The following NPFFR1 variants were observed in gnomAD, a reference collection of about 807,000 sequenced individuals.
NPFFR1 encodes neuropeptide FF receptor 1, also known as G-protein coupled receptor 147.
A neutral mutation model predicts 12.7 loss-of-function variants in NPFFR1; 17 were observed. That is an observed-to-expected ratio of 1.34 (90% confidence interval 0.92 to 2.01). The LOEUF is 2.01. NPFFR1 is among the 30% of genes most tolerant of loss of function. The pLI is 0.00. For missense variants in NPFFR1, 604 were observed against 606.5 expected, an observed-to-expected ratio of 1.00 and a Z score of 0.04; for synonymous variants, 296 against 264.5, an observed-to-expected ratio of 1.12 and a Z score of -1.16.
At chr10:70,283,552 C>T in intron 1 of NPFFR1, 118 bp downstream of exon 1, 1 of 1,013,306 alleles carries the variant, frequency 9.9e-7, no homozygotes. Context: ...AGTGTCACAA[C>T]GTCTGGCTCT....
chr10:70,261,060 T>C (rs1840628391), intron 2 of NPFFR1, among the ~76,000 whole-genome samples: 1 of 152,082 alleles, frequency 6.6e-6, no homozygotes, highest in Non-Finnish European at 1.5e-5. Context: ...GCCCTCTGTA[T>C]GTACATGGTG....
In NPFFR1 at chr10:70,255,407, C is replaced by T. The variant is rs769424464; in HGVS notation, c.843G>A (p.Leu281=). The change falls in exon 4 of 4, where the codon CTG becomes CTA. Residue 281 remains leucine (L), a synonymous_variant. Coordinates refer to ENST00000277942, the MANE Select transcript of NPFFR1 (RefSeq NM_022146.5). This position sits in a 1 kb window ranked among gnomAD's most constrained non-coding sequence, Gnocchi z 4.2. The stretch of plus-strand genomic sequence containing the variant: ...GCAGCGCCCAGAGCGGCAGCCAGGA[C>T]AGCGTGAAGAACAGCGCCACCATGA... ...MLVMVALFFT[L]SWLPLWALLL... 4.5e-6 allele frequency: 7 copies of T among 1,546,570 alleles called. No individual in the cohort carries two copies. The highest frequency in any genetic ancestry group is 6.1e-6 in the Non-Finnish European group (7 of 1,147,650).
At chr10:70,278,887 G>GT (rs1840831899) in intron 1 of NPFFR1, among the ~76,000 whole-genome samples, 1 of 152,174 alleles carries the variant, frequency 6.6e-6, no homozygotes, top group African/African-American at 2.4e-5. Context: ...TTACCAGCCA[G>GT]TTGTGTCTTA....
intron 2 of NPFFR1, among the ~76,000 whole-genome samples, chr10:70,262,250 G>A (rs2136796200): frequency 6.6e-6 from 1 of 152,138 alleles, no homozygotes; most frequent in Non-Finnish European, 1.5e-5. Flanking sequence ...GGTTGGGGAG[G>A]GGGGACCCAA....
In NPFFR1 at chr10:70,248,467, G is replaced by GTTTTTGTTTTTTT. The variant is rs1840473399; in HGVS notation, c.*6489_*6490insAAAAAAACAAAAA. 1.6e-4 allele frequency: 15 copies of GTTTTTGTTTTTTT among 96,742 alleles called. 1 individual carries two copies. The highest frequency in any genetic ancestry group is 2.0e-4 in the African/African-American group (5 of 24,706). The allele number at this position is 96,742 out of a possible 1,614,324, so 6.0% of individuals were successfully genotyped here. A position where few individuals can be genotyped will look rare whatever the true frequency, so the allele number is the denominator to read the frequency against. Reference sequence around the variant, plus strand: ...CAAAGTACGTAGTACTATGCCTGGCGTTTTTTTTTTGTTTTTTGTTTTTTT... The same window carrying GTTTTTGTTTTTTT: ...CAAAGTACGTAGTACTATGCCTGGCGTTTTTGTTTTTTTTTTTTTTTTTGTTTTTTGTTTTTTT... On this transcript the variant is annotated 3_prime_UTR_variant, in exon 4 of 4. Coordinates refer to ENST00000277942, the MANE Select transcript of NPFFR1 (RefSeq NM_022146.5).
intron 1 of NPFFR1, among the ~76,000 whole-genome samples, chr10:70,282,453 C>T (rs1840873504): frequency 6.6e-6 from 1 of 152,168 alleles, no homozygotes; most frequent in South Asian, 2.1e-4. Context: ...TTATTGATTC[C>T]TTCTTGCCTC....
At chr10:70,264,849 A>G (rs1201216511) in intron 2 of NPFFR1, among the ~76,000 whole-genome samples, 1 of 152,252 alleles carries the variant, frequency 6.6e-6, no homozygotes, top group Non-Finnish European at 1.5e-5. Flanking sequence ...TGTTTTATGT[A>G]TTCAAACAAT....
intron 2 of NPFFR1, among the ~76,000 whole-genome samples, chr10:70,261,222 C>A (rs79649099): frequency 0.011 from 1,637 of 152,140 alleles, 30 homozygotes; most frequent in African/African-American, 0.037. Context: ...GTTCTCATCA[C>A]GAGATCTGAT....
At chr10:70,260,602 A>G in intron 3 of NPFFR1, 38 bp downstream of exon 3, 1 of 1,540,876 alleles carries the variant, frequency 6.5e-7, no homozygotes. Context: ...GCCAGGCCCT[A>G]GTTGGCTCAG....
Position 70,248,489 on chromosome 10 carries a change from T to TTTTTTTTG in NPFFR1, c.*6467_*6468insCAAAAAAA, listed in dbSNP as rs1840477221. The TTTTTTTTG allele has an allele frequency of 8.8e-6, 1 of 113,852 alleles. No individual in the cohort carries two copies. The highest frequency in any genetic ancestry group is 1.8e-5 in the Non-Finnish European group (1 of 57,104). The allele number at this position is 113,852 out of a possible 1,614,324, so 7.1% of individuals were successfully genotyped here. A position where few individuals can be genotyped will look rare whatever the true frequency, so the allele number is the denominator to read the frequency against. ...GGCGTTTTTTTTTTGTTTTTTGTTT[T>TTTTTTTTG]TTTTTTTTTTTTTTGAGATGGAGTC... On this transcript the variant is annotated 3_prime_UTR_variant, in exon 4 of 4. Coordinates refer to ENST00000277942, the MANE Select transcript of NPFFR1 (RefSeq NM_022146.5).
Position 70,255,434 on chromosome 10 carries a change from C to T in NPFFR1, c.816G>A (p.Leu272=), listed in dbSNP as rs186499075. The stretch of plus-strand genomic sequence containing the variant: ...GCGTGAAGAACAGCGCCACCATGAC[C>T]AGCATGTGCACCACGCGCGCTCTGC... ...SRRRARVVHM[L]VMVALFFTLS... The change falls in exon 4 of 4, where the codon CTG becomes CTA. Residue 272 remains leucine, a synonymous_variant. Transcript: ENST00000277942. This position sits in a 1 kb window ranked among gnomAD's most constrained non-coding sequence, Gnocchi z 4.2. 2,348 of 1,547,580 alleles carry T rather than the reference C, an allele frequency of 1.5e-3. 58 individuals carry two copies. In the Admixed American group the frequency reaches 0.042, roughly 28 times the overall value.
At position 70,250,670 on chromosome 10, in the gene NPFFR1, A is replaced by G. The variant is rs1410009980; in HGVS notation, c.*4287T>C. ...GGCTGCAAACTGTCTGATTCCATCT[A>G]CATGACATTCTGAAATCAGATCATC... On this transcript the variant is annotated 3_prime_UTR_variant, in exon 4 of 4. Transcript: ENST00000277942. 6.6e-6 allele frequency: 1 copy of G among 152,252 alleles called. No homozygotes were observed. Among genetic ancestry groups the G allele is most frequent in the Non-Finnish European group, 1.5e-5 (1 of 68,040 alleles). The allele number at this position is 152,252 out of a possible 1,614,324, so 9.4% of individuals were successfully genotyped here.
chr10:70,281,926 A>T (rs557625764), intron 1 of NPFFR1, among the ~76,000 whole-genome samples: 3 of 152,300 alleles, frequency 2.0e-5, no homozygotes, highest in East Asian at 3.9e-4. Context: ...CTAAGTGTAC[A>T]CTGTGTTTGG....
chr10:70,259,290 C>CAAAAA (rs111951575), intron 3 of NPFFR1, among the ~76,000 whole-genome samples: 8 of 131,190 alleles, frequency 6.1e-5, no homozygotes, highest in African/African-American at 2.0e-4. Flanking sequence ...TCTCCCCCCT[C>CAAAAA]AAAAAAAAAA....
At chr10:70,258,797 G>A (rs556860913) in intron 3 of NPFFR1, among the ~76,000 whole-genome samples, 1 of 152,320 alleles carries the variant, frequency 6.6e-6, no homozygotes, top group South Asian at 2.1e-4. Flanking sequence ...TCACATGGCT[G>A]TTTGGAGTCA....
At chr10:70,259,372 T>A (rs1840611231) in intron 3 of NPFFR1, among the ~76,000 whole-genome samples, 1 of 152,118 alleles carries the variant, frequency 6.6e-6, no homozygotes, top group Non-Finnish European at 1.5e-5. Flanking sequence ...TGGCTATGAA[T>A]GCAATAGCAG....
At chr10:70,268,104 C>G (rs1190595226) in intron 1 of NPFFR1, among the ~76,000 whole-genome samples, 5 of 151,972 alleles carry the variant, frequency 3.3e-5, no homozygotes. Context: ...ATAAAGAACC[C>G]CCATGTATAC....
Position 70,255,084 on chromosome 10 carries a change from G to A in NPFFR1, c.1166C>T (p.Pro389Leu). 2.1e-6 allele frequency: 3 copies of A among 1,460,264 alleles called. No individual in the cohort carries two copies. The highest frequency in any genetic ancestry group is 2.7e-6 in the Non-Finnish European group (3 of 1,112,538). The allele number at this position is 1,460,264 out of a possible 1,614,324, so 90.5% of individuals were successfully genotyped here. Residue 389 changes from proline to leucine, a missense_variant, in exon 4 of 4, where the codon CCT (proline) becomes CTT (leucine). Transcript: ENST00000277942. The surrounding 1 kb of genome is among the most constrained non-coding windows in gnomAD (Gnocchi z 4.2). ...SDSGLPSESG[P>L]SSGAPRPGRL... ...GCCGGGCCTGGGGGCCCCACTGCTAGGGCCCGACTCAGAGGGCAGCCCGGA... is the reference window on the plus strand; with the variant it reads ...GCCGGGCCTGGGGGCCCCACTGCTAAGGCCCGACTCAGAGGGCAGCCCGGA...
intron 1 of NPFFR1, among the ~76,000 whole-genome samples, chr10:70,267,102 AATT>A (rs1840702006): frequency 1.3e-5 from 2 of 152,140 alleles, no homozygotes; most frequent in South Asian, 4.2e-4. Context: ...GCTGGGACCC[AATT>A]ATTATACCCT....
Sources: gnomAD v4.1 joint callset for allele counts (sites outside exome capture counted in the v4.1 genomes callset) on GRCh38, gnomAD v4.1.1 for gene constraint, Gnocchi (gnomAD v3.1) non-coding constraint, MANE v1.5 for transcripts, NCBI Gene and HGNC (gene_info 2026-07-23, HGNC 2026-07-21) for gene names.